PCDH15: variants seen among roughly 807,000 people sequenced by gnomAD.
PCDH15 encodes the protein protocadherin related 15, also known as protocadherin-15.
PCDH15 carries 129 observed loss-of-function variants against 178.5 expected under a neutral mutation model. That is an observed-to-expected ratio of 0.72 (90% CI 0.63 to 0.84). The LOEUF (loss-of-function observed/expected upper bound fraction) is 0.84. Among genes scored for constraint, PCDH15 ranks in the 40% least tolerant of loss-of-function variants. The pLI, the probability that PCDH15 is intolerant of heterozygous loss-of-function variation, is 0.00. For missense variants in PCDH15, 2,230 were observed against 2,099.9 expected, an observed-to-expected ratio of 1.06 and a Z score of -1.21; for synonymous variants, 800 against 732.0, an observed-to-expected ratio of 1.09 and a Z score of -1.50.
intron 2 of PCDH15, among the ~76,000 whole-genome samples, chr10:54,621,866 G>GT (rs1202067422): frequency 6.6e-6 from 1 of 152,034 alleles, no homozygotes; most frequent in African/African-American, 2.4e-5. Flanking sequence ...TGTCAGCGAT[G>GT]TTGTAAAGGG....
chr10:55,107,190 C>T (rs1837371495), intron 2 of PCDH15, among the ~76,000 whole-genome samples: 2 of 152,164 alleles, frequency 1.3e-5, no homozygotes, highest in African/African-American at 4.8e-5. Flanking sequence ...TATTGGTATA[C>T]ACTTAAAGGT....
intron 16 of PCDH15, among the ~76,000 whole-genome samples, chr10:54,082,272 A>G (rs2094446574): frequency 1.3e-5 from 2 of 152,198 alleles, no homozygotes; most frequent in Non-Finnish European, 2.9e-5. Context: ...TTCCTCAGAA[A>G]TATTGTAAGG....
rs73265597 is a variant in PCDH15 at position 55,213,461 on chromosome 10, A to G, written c.-155-46810T>C. Reference sequence around the variant, plus strand: ...TACTTTCATCTAAACATTTCAAGTCACCAATTCAATTTTGTTAATGTTTAT... The same window carrying G: ...TACTTTCATCTAAACATTTCAAGTCGCCAATTCAATTTTGTTAATGTTTAT... On this transcript the variant is annotated intron_variant, in intron 1 of 5. Transcript: ENST00000458638. Among the ~76,000 whole-genome samples, 811 of 152,140 alleles carry G rather than the reference A, an allele frequency of 5.3e-3. 17 individuals carry two copies. The highest frequency in any genetic ancestry group is 0.018 in the African/African-American group (733 of 41,456).
intron 2 of PCDH15, among the ~76,000 whole-genome samples, chr10:55,353,221 G>T (rs1190075742): frequency 6.6e-6 from 1 of 152,070 alleles, no homozygotes; most frequent in Non-Finnish European, 1.5e-5. Context: ...CCAAAGCACA[G>T]ATTTTTACAC....
chr10:55,508,487 C>G (rs991656807), intron 2 of PCDH15, among the ~76,000 whole-genome samples: 2 of 151,716 alleles, frequency 1.3e-5, no homozygotes, highest in African/African-American at 4.8e-5. Context: ...GAAGTTAGAT[C>G]ACGTCAGTGT....
intron 1 of PCDH15, among the ~76,000 whole-genome samples, chr10:55,201,710 T>A (rs773709895): frequency 1.3e-5 from 2 of 152,182 alleles, no homozygotes; most frequent in Admixed American, 1.3e-4. Context: ...AAATAGATTA[T>A]CAGATGAGTT....
intron 1 of PCDH15, among the ~76,000 whole-genome samples, chr10:54,698,728 A>C (rs2095267903): frequency 6.6e-6 from 1 of 152,286 alleles, no homozygotes; most frequent in South Asian, 2.1e-4. Flanking sequence ...TAGAGGTCAT[A>C]GATAAATGTT....
intron 2 of PCDH15, among the ~76,000 whole-genome samples, chr10:55,004,606 A>T (rs907700453): frequency 6.6e-6 from 1 of 151,890 alleles, no homozygotes; most frequent in African/African-American, 2.4e-5. Context: ...ACCCTCCCTA[A>T]TTTCTGTTTT....
chr10:54,090,191 G>A, intron 15 of PCDH15, 128 bp from the exon 16 acceptor site: 1 of 753,904 alleles, frequency 1.3e-6, no homozygotes, highest in African/African-American at 1.7e-5. Context: ...AAAGATTAAA[G>A]CATGGCCTAA....
chr10:54,384,654 C>T (rs1949704899), intron 3 of PCDH15, among the ~76,000 whole-genome samples: 1 of 151,958 alleles, frequency 6.6e-6, no homozygotes. Flanking sequence ...ATATATAGTA[C>T]TTTGGATAGG....
At chr10:54,993,813 G>T (rs1352580973) in intron 2 of PCDH15, among the ~76,000 whole-genome samples, 1 of 152,018 alleles carries the variant, frequency 6.6e-6, no homozygotes, top group Non-Finnish European at 1.5e-5. Flanking sequence ...TTTATTTTTT[G>T]TTACTGAATA....
Position 54,752,490 on chromosome 10 carries a change from AAC to A in PCDH15, c.-29+48433_-29+48434del, listed in dbSNP as rs1416319075. Among the ~76,000 whole-genome samples, 121 of 85,970 alleles carry A rather than the reference AAC, an allele frequency of 1.4e-3. 11 individuals are homozygous for A. Among genetic ancestry groups the A allele is most frequent in the African/African-American group, 3.6e-3 (83 of 23,108 alleles). 56.4% of individuals were successfully genotyped at this position (85,970 alleles called of 152,430 possible). A position where few individuals can be genotyped will look rare whatever the true frequency, so the allele number is the denominator to read the frequency against. On this transcript the variant is annotated intron_variant, in intron 1 of 37. Coordinates refer to ENST00000644397, the MANE Select transcript of PCDH15 (RefSeq NM_001384140.1). ...AGACTCCGTCTCAAAAAAAAAAAAAAACAAAAAACAAAAAACAAAAAACAAAC... is the reference window on the plus strand; with the variant it reads ...AGACTCCGTCTCAAAAAAAAAAAAAAAAAAAACAAAAAACAAAAAACAAAC...
intron 3 of PCDH15, among the ~76,000 whole-genome samples, chr10:54,892,139 G>C (rs2131816962): frequency 6.6e-6 from 1 of 152,148 alleles, no homozygotes. Context: ...AACACCAAAA[G>C]ACTGAGCATT....
intron 26 of PCDH15, among the ~76,000 whole-genome samples, chr10:53,897,205 C>T (rs1466622353): frequency 1.3e-5 from 2 of 151,988 alleles, no homozygotes; most frequent in Non-Finnish European, 1.5e-5. Flanking sequence ...TTCTATATGG[C>T]CTCCTGACAG....
At chr10:55,435,514 A>C (rs10219067) in intron 2 of PCDH15, among the ~76,000 whole-genome samples, 116,977 of 152,074 alleles carry the variant, frequency 0.77, 46,296 homozygotes, top group East Asian at 1. Context: ...ATTTCATCTA[A>C]CTTCCTCTTC....
chr10:54,804,124 C>A (rs1952735151), upstream of PCDH15, among the ~76,000 whole-genome samples: 1 of 152,040 alleles, frequency 6.6e-6, no homozygotes, highest in Non-Finnish European at 1.5e-5. Flanking sequence ...ACTGCAAGCT[C>A]CGCCTCCTGG....
chr10:54,611,946 A>C lies in PCDH15; in HGVS notation c.91+52226T>G, dbSNP rs190869202. On this transcript the variant is annotated intron_variant, in intron 2 of 37. Transcript: ENST00000644397. Reference sequence around the variant, plus strand: ...CATGTTGTTCCTCTTCTATTGTTCAAAGAGTATAGAGTGAATAAATACAAA... The same window carrying C: ...CATGTTGTTCCTCTTCTATTGTTCACAGAGTATAGAGTGAATAAATACAAA... Among the ~76,000 whole-genome samples, 270 of 151,982 alleles carry C rather than the reference A, an allele frequency of 1.8e-3. 1 individual carries two copies. The highest frequency in any genetic ancestry group is 6.4e-3 in the African/African-American group (265 of 41,560).
intron 15 of PCDH15, among the ~76,000 whole-genome samples, chr10:54,101,502 T>C (rs1181181522): frequency 6.6e-6 from 1 of 152,100 alleles, no homozygotes; most frequent in Non-Finnish European, 1.5e-5. Flanking sequence ...AATTAATAGA[T>C]CAAACACTAA....
At chr10:55,072,273 C>T (rs1202839815) in intron 2 of PCDH15, among the ~76,000 whole-genome samples, 2 of 151,982 alleles carry the variant, frequency 1.3e-5, no homozygotes, top group African/African-American at 2.4e-5. Flanking sequence ...GAAATAGAGA[C>T]ATAAAAATCC....
Sources: gnomAD v4.1 joint callset for allele counts (sites outside exome capture counted in the v4.1 genomes callset) on GRCh38, gnomAD v4.1.1 for gene constraint, MANE v1.5 for transcripts, NCBI Gene and HGNC (gene_info 2026-07-23, HGNC 2026-07-21) for gene names.